The following ARPC4 variants were observed in gnomAD, a reference collection of about 807,000 sequenced individuals.
The protein encoded by ARPC4 is actin related protein 2/3 complex subunit 4, also known as actin-related protein 2/3 complex subunit 4.
A neutral mutation model predicts 22.8 loss-of-function variants in ARPC4; 3 were observed. The observed-to-expected ratio is 0.13, with a 90% CI of 0.06 to 0.34. The LOEUF (loss-of-function observed/expected upper bound fraction) is 0.34. ARPC4 is among the 10% of genes least tolerant of loss of function. The pLI, the probability that ARPC4 is intolerant of heterozygous loss-of-function variation, is 1.00. For missense variants in ARPC4, 98 were observed against 211.0 expected, an observed-to-expected ratio of 0.46 and a Z score of 3.32; for synonymous variants, 80 against 72.5, an observed-to-expected ratio of 1.10 and a Z score of -0.52.
chr3:9,801,409 G>A (rs1450846650), intron 3 of ARPC4, among the ~76,000 whole-genome samples: 1 of 151,976 alleles, frequency 6.6e-6, no homozygotes, highest in African/African-American at 2.4e-5. Context: ...GAGTACAGCT[G>A]TAGACTCTGA....
intron 1 of ARPC4, among the ~76,000 whole-genome samples, chr3:9,795,842 T>G (rs921007615): frequency 2.6e-5 from 4 of 152,212 alleles, no homozygotes; most frequent in Non-Finnish European, 5.9e-5. Context: ...ATGTCTGTAA[T>G]CCCAGCACTT....
chr3:9,801,802 A>G, intron 4 of ARPC4, 46 bp downstream of exon 4: 1 of 1,528,896 alleles, frequency 6.5e-7, no homozygotes, highest in Non-Finnish European at 8.9e-7. Context: ...GGACCCTGTT[A>G]CAGAATGGCC....
In ARPC4 at chr3:9,800,306, C is replaced by G. The variant is rs374972034; in HGVS notation, c.234+10C>G. Reference sequence around the variant, plus strand: ...CATTGCTGTGAAACAGGTAAGTTCACCATGGAGGAGGCCCAACGTAAGGCC... The same window carrying G: ...CATTGCTGTGAAACAGGTAAGTTCAGCATGGAGGAGGCCCAACGTAAGGCC... On this transcript the variant is annotated intron_variant, in intron 3 of 5. Transcript: ENST00000397261. The G allele has an allele frequency of 1.2e-6, 2 of 1,613,560 alleles. No individual in the cohort carries two copies. The highest frequency in any genetic ancestry group is 3.3e-5 in the Admixed American group (2 of 59,968).
intron 3 of ARPC4, among the ~76,000 whole-genome samples, chr3:9,800,772 T>C (rs2078991182): frequency 6.6e-6 from 1 of 152,044 alleles, no homozygotes; most frequent in African/African-American, 2.4e-5. Context: ...CGAAGCACTG[T>C]TATTAAATGC....
chr3:9,806,968 C>T lies in ARPC4; in HGVS notation c.*753C>T, dbSNP rs1409447978. 2.0e-5 allele frequency: 3 copies of T among 152,674 alleles called. No individual in the cohort carries two copies. The highest frequency in any genetic ancestry group is 7.2e-5 in the African/African-American group (3 of 41,472). The allele number at this position is 152,674 out of a possible 1,614,324, so 9.5% of individuals were successfully genotyped here. On this transcript the variant is annotated 3_prime_UTR_variant, in exon 6 of 6. Coordinates refer to ENST00000397261, the MANE Select transcript of ARPC4 (RefSeq NM_005718.5). ...GCCAGAGGTGGCGAGGTGAGTCCTC[C>T]AGAGCTTCCTGGCCGGGCCCTCCTC...
intron 1 of ARPC4, among the ~76,000 whole-genome samples, chr3:9,797,074 CAT>C (rs137925600): frequency 0.18 from 27,417 of 151,686 alleles, 2,694 homozygotes; most frequent in African/African-American, 0.24. Context: ...ATCTTTATAT[CAT>C]AGTTATTTTC....
At chr3:9,793,509 A>G (rs909993082) in intron 1 of ARPC4, among the ~76,000 whole-genome samples, 1 of 152,132 alleles carries the variant, frequency 6.6e-6, no homozygotes, top group Non-Finnish European at 1.5e-5. Flanking sequence ...TTCACGACAT[A>G]CGCCCTTTGT....
At chr3:9,792,588 T>G (rs970893627), upstream of ARPC4, 1 of 1,227,138 alleles carries the variant, frequency 8.1e-7, no homozygotes, top group East Asian at 3.2e-5. Flanking sequence ...CCGCTAGAGG[T>G]GGGGTGCGGG....
intron 5 of ARPC4, among the ~76,000 whole-genome samples, chr3:9,805,699 C>A (rs866078464): frequency 6.6e-6 from 1 of 152,254 alleles, no homozygotes; most frequent in Non-Finnish European, 1.5e-5. Flanking sequence ...GGTTCACAAC[C>A]TTTGGTCTCT....
At chr3:9,802,389 T>TC (rs1491370416) in intron 4 of ARPC4, among the ~76,000 whole-genome samples, 3 of 151,120 alleles carry the variant, frequency 2.0e-5, no homozygotes, top group Non-Finnish European at 4.4e-5. Flanking sequence ...TTTTTTTTTT[T>TC]CTTTGAGACG....
chr3:9,800,178 T>A lies in ARPC4; in HGVS notation c.123-7T>A. On this transcript the variant is annotated splice_region_variant and splice_polypyrimidine_tract_variant and intron_variant, in intron 2 of 5. Transcript: ENST00000397261. ...AGTACAAGTACTCTGTCACATTATG[T>A]TTTCAGGAGTAGCAAAGAGCTCCTG... 6.2e-7 allele frequency: 1 copy of A among 1,613,926 alleles called. No homozygotes were observed. Among genetic ancestry groups the A allele is most frequent in the East Asian group, 2.2e-5 (1 of 44,878 alleles).
intron 2 of ARPC4, chr3:9,799,964 C>A (rs1388044629): frequency 7.7e-6 from 5 of 650,940 alleles, no homozygotes; most frequent in Admixed American, 2.1e-5. Flanking sequence ...AGGAAAGTAA[C>A]AGAGGAGGCT....
Position 9,803,875 on chromosome 3 carries a change from C to T in ARPC4, c.363C>T (p.Phe121=). Residue 121 remains phenylalanine, a synonymous_variant, in exon 5 of 6, where the codon TTC becomes TTT. Transcript: ENST00000397261. ...ATATCAGCTTTCTGATCACCAACTT[C>T]CACACAGAGCAGATGTACAAACACA... ...GYDISFLITN[F]HTEQMYKHKL... The T allele has an allele frequency of 6.2e-7, 1 of 1,614,226 alleles. No individual in the cohort carries two copies. The highest frequency in any genetic ancestry group is 8.5e-7 in the Non-Finnish European group (1 of 1,180,046).
chr3:9,794,498 C>CA (rs992651881), intron 1 of ARPC4, among the ~76,000 whole-genome samples: 140 of 145,970 alleles, frequency 9.6e-4, no homozygotes, highest in African/African-American at 3.1e-3. Flanking sequence ...GACTCCGTCT[C>CA]AAAAAAAAAA....
upstream of ARPC4, chr3:9,792,598 G>A: frequency 8.1e-7 from 1 of 1,230,424 alleles, no homozygotes; most frequent in Admixed American, 4.2e-5. Context: ...TGGGGTGCGG[G>A]TGGTCGGCCT....
chr3:9,804,890 T>A (rs1223590692), intron 5 of ARPC4, among the ~76,000 whole-genome samples: 1 of 152,268 alleles, frequency 6.6e-6, no homozygotes, highest in Non-Finnish European at 1.5e-5. Flanking sequence ...GCAACCCACC[T>A]GTGTGGGAAT....
chr3:9,801,711 G>A lies in ARPC4; in HGVS notation c.285G>A (p.Met95Ile), dbSNP rs1323252912. Reference protein sequence around the residue: ...ILCHKFMRFMMMRAENFFILR... With the variant: ...ILCHKFMRFMIMRAENFFILR... ...GCCACAAGTTCATGCGCTTCATGATGATGCGAGCAGAGAACTTCTTTATCC... is the reference window on the plus strand; with the variant it reads ...GCCACAAGTTCATGCGCTTCATGATAATGCGAGCAGAGAACTTCTTTATCC... The change falls in exon 4 of 6, where the codon ATG (methionine) becomes ATA (isoleucine). Residue 95 changes from methionine (M) to isoleucine (I), a missense_variant. Met to Ile is a conservative substitution (Grantham distance 10). Transcript: ENST00000397261. The A allele has an allele frequency of 6.2e-7, 1 of 1,609,524 alleles. No homozygotes were observed. The highest frequency in any genetic ancestry group is 8.5e-7 in the Non-Finnish European group (1 of 1,177,476).
Position 9,803,084 on chromosome 3 carries a change from T to C in ARPC4, c.331-759T>C, listed in dbSNP as rs112379964. Among the ~76,000 whole-genome samples, 969 of 150,964 alleles carry C rather than the reference T, an allele frequency of 6.4e-3. 7 individuals carry two copies. The highest frequency in any genetic ancestry group is 0.018 in the Middle Eastern group (5 of 282). ...ATTTTTAGTAGAGACGGGGTTTCACTGTGTTAGCCAGGATGGTCTTGATCT... is the reference window on the plus strand; with the variant it reads ...ATTTTTAGTAGAGACGGGGTTTCACCGTGTTAGCCAGGATGGTCTTGATCT... On this transcript the variant is annotated intron_variant, in intron 4 of 5. Coordinates refer to ENST00000397261, the MANE Select transcript of ARPC4 (RefSeq NM_005718.5).
chr3:9,793,485 A>G (rs1272110086), intron 1 of ARPC4, among the ~76,000 whole-genome samples: 1 of 152,192 alleles, frequency 6.6e-6, no homozygotes, highest in Non-Finnish European at 1.5e-5. Context: ...CCACCTGCCT[A>G]TCCACAGTGG....
Sources: gnomAD v4.1 joint callset for allele counts (sites outside exome capture counted in the v4.1 genomes callset) on GRCh38, gnomAD v4.1.1 for gene constraint, MANE v1.5 for transcripts, NCBI Gene and HGNC (gene_info 2026-07-23, HGNC 2026-07-21) for gene names.